The following DEFA5 variants were observed in gnomAD, a reference collection of about 807,000 sequenced individuals.
The protein encoded by DEFA5 is defensin alpha 5.
Under a neutral mutation model 8.7 loss-of-function variants are expected in DEFA5, and 11 were observed. The ratio of observed to expected loss-of-function variants is 1.26; its 90% CI spans 0.80 to 2.09. The LOEUF (loss-of-function observed/expected upper bound fraction) is 2.09, where lower values mean the gene tolerates loss of function less well. Among genes scored for constraint, DEFA5 ranks in the 30% most tolerant of loss-of-function variants. The probability of loss-of-function intolerance (pLI) is 0.00; values close to 1 mark genes in which losing one functional copy is unlikely to be tolerated. For missense variants in DEFA5, 181 were observed against 117.2 expected, an observed-to-expected ratio of 1.54 and a Z score of -2.52; for synonymous variants, 52 against 43.9, an observed-to-expected ratio of 1.18 and a Z score of -0.73.
At chr8:7,055,733 T>G (rs1037758075) in intron 1 of DEFA5, among the ~76,000 whole-genome samples, 190 bp from the exon 2 acceptor site, 7 of 152,178 alleles carry the variant, frequency 4.6e-5, no homozygotes, top group Non-Finnish European at 1.0e-4. Flanking sequence ...ATCATAGTTT[T>G]TTTCCCCATG....
At chr8:7,056,346 A>C (rs1812429051) in intron 1 of DEFA5, among the ~76,000 whole-genome samples, 180 bp downstream of exon 1, 1 of 152,236 alleles carries the variant, frequency 6.6e-6, no homozygotes, top group Non-Finnish European at 1.5e-5. Context: ...TCTTAGAAAA[A>C]AGAAAATCTT....
Position 7,056,680 on chromosome 8 carries a change from G to C in DEFA5, c.18C>G (p.Ile6Met). 6.2e-7 allele frequency: 1 copy of C among 1,612,890 alleles called. No individual in the cohort carries two copies. The highest frequency in any genetic ancestry group is 8.5e-7 in the Non-Finnish European group (1 of 1,179,334). MRTIAILAAILLVALQ... is the reference protein window; with the variant it reads MRTIAMLAAILLVALQ... The stretch of plus-strand genomic sequence containing the variant: ...GGGCCACCAGGAGAATGGCAGCAAG[G>C]ATGGCGATGGTCCTCATGGCTGGGG... Residue 6 changes from isoleucine (I) to methionine (M), a missense_variant, in exon 1 of 2, where the codon ATC (isoleucine) becomes ATG (methionine). Transcript: ENST00000330590.
At chr8:7,055,604 C>G in intron 1 of DEFA5, 61 bp from the exon 2 acceptor site, 1 of 1,074,900 alleles carries the variant, frequency 9.3e-7, no homozygotes. Context: ...CAAGCACAGC[C>G]AGACTAACTG....
Position 7,055,355 on chromosome 8 carries a change from A to T in DEFA5, c.*76T>A. 1 of 1,030,548 alleles carries T rather than the reference A, an allele frequency of 9.7e-7. No individual in the cohort carries two copies. The highest frequency in any genetic ancestry group is 1.5e-6 in the Non-Finnish European group (1 of 673,398). The allele number at this position is 1,030,548 out of a possible 1,614,324, so 63.8% of individuals were successfully genotyped here. ...AGAGAAATTTAGAAAGACACAAGGT[A>T]CACAGAGTAAAATGTTTTTCTTTTT... On this transcript the variant is annotated 3_prime_UTR_variant, in exon 2 of 2. Coordinates refer to ENST00000330590, the MANE Select transcript of DEFA5 (RefSeq NM_021010.3).
In DEFA5 at chr8:7,056,531, G is replaced by A; in HGVS notation, c.167C>T (p.Thr56Ile). 1 of 1,608,524 alleles carries A rather than the reference G, an allele frequency of 6.2e-7. No homozygotes were observed. Among genetic ancestry groups the A allele is most frequent in the Non-Finnish European group, 8.5e-7 (1 of 1,175,832 alleles). ...GCAAGATTGATGTCTCCTACCTGAG[G>A]TTCTAAGAGCAGAGAGTCCATTTCC... ...FAGNGLSALR[T>I]SGSQARATCY... The change falls in exon 1 of 2, where the codon ACC becomes ATC. Residue 56 changes from threonine (T) to isoleucine (I), a missense_variant. Physicochemically the swap from Thr to Ile is moderately conservative, Grantham distance 89 (BLOSUM62 -1). Transcript: ENST00000330590.
rs544003092 is a variant in DEFA5, at chr8:7,056,428, C to T, written c.172+98G>A. The T allele has an allele frequency of 2.6e-5, 32 of 1,218,772 alleles. No individual in the cohort carries two copies. In the South Asian group the frequency reaches 5.5e-4, roughly 21 times the overall value. 75.5% of individuals were successfully genotyped at this position (1,218,772 alleles called of 1,614,324 possible). On this transcript the variant is annotated intron_variant, in intron 1 of 1. Transcript: ENST00000330590. ...AAGGTCCAGGAAGATTAAGTAAAGT[C>T]ACTCAAGTGAGGTAGACCTTTCCAC...
At position 7,055,409 on chromosome 8, in the gene DEFA5, C is replaced by A; in HGVS notation, c.*22G>T. On this transcript the variant is annotated 3_prime_UTR_variant, in exon 2 of 2. Transcript: ENST00000330590. ...GGACCTTGAACTGAATCTTGCACTG[C>A]TTTGGTTTCTATCTAGGAAGCTCAG... The A allele has an allele frequency of 6.3e-7, 1 of 1,592,282 alleles. No homozygotes were observed.
At chr8:7,056,475 C>A in intron 1 of DEFA5, 51 bp downstream of exon 1, 1 of 1,546,506 alleles carries the variant, frequency 6.5e-7, no homozygotes, top group Non-Finnish European at 8.8e-7. Flanking sequence ...GATCCTTTCT[C>A]CAATCCTTTT....
intron 1 of DEFA5, 84 bp from the exon 2 acceptor site, chr8:7,055,627 T>C (rs942111577): frequency 2.3e-6 from 2 of 854,220 alleles, no homozygotes; most frequent in African/African-American, 3.3e-5. Context: ...ATAGTCTAAA[T>C]AAGAGACACT....
intron 1 of DEFA5, 101 bp from the exon 2 acceptor site, chr8:7,055,644 G>C (rs1034072529): frequency 1.1e-5 from 8 of 761,382 alleles, no homozygotes; most frequent in African/African-American, 1.7e-5. Context: ...CACTGTATCA[G>C]TCATGTTAGG....
At chr8:7,055,801 A>T (rs548310694) in intron 1 of DEFA5, among the ~76,000 whole-genome samples, 1 of 152,042 alleles carries the variant, frequency 6.6e-6, no homozygotes, top group African/African-American at 2.4e-5. Context: ...ATACCTCTCA[A>T]CCTCAGGGTT....
chr8:7,055,893 A>G (rs1812405011), intron 1 of DEFA5, among the ~76,000 whole-genome samples: 1 of 152,144 alleles, frequency 6.6e-6, no homozygotes, highest in Admixed American at 6.5e-5. Flanking sequence ...GGCTCCCTAA[A>G]GCACCTGAAT....
At chr8:7,056,430 C>T (rs1313119557) in intron 1 of DEFA5, 96 bp downstream of exon 1, 3 of 1,256,422 alleles carry the variant, frequency 2.4e-6, no homozygotes, top group East Asian at 2.4e-5. Flanking sequence ...AGTAAAGTCA[C>T]TCAAGTGAGG....
At position 7,056,739 on chromosome 8, in the gene DEFA5, T is replaced by A. The variant is rs761730074; in HGVS notation, c.-42A>T. 4 of 1,566,064 alleles carry A rather than the reference T, an allele frequency of 2.6e-6. No individual in the cohort carries two copies. The highest frequency in any genetic ancestry group is 3.5e-6 in the Non-Finnish European group (4 of 1,148,658). ...AGGAGGGAGAGCAGGAGTGGATATG[T>A]GGGGAGTGAGGAGTCAGCCTGGATT... is the stretch of plus-strand genomic sequence containing the variant. On this transcript the variant is annotated 5_prime_UTR_variant, in exon 1 of 2. Transcript: ENST00000330590.
rs140671583 is a variant in DEFA5 at position 7,055,749 on chromosome 8, C to T, written c.173-206G>A. 1.8e-4 allele frequency among the ~76,000 whole-genome samples: 27 copies of T among 152,300 alleles called. No homozygotes were observed. The East Asian group carries it at 5.0e-3, about 28-fold the overall frequency. ...TCATAGTTTTTTTCCCCATGTGAGT[C>T]TATCCAGGATGTATTTATTACCTGC... On this transcript the variant is annotated intron_variant, in intron 1 of 1. Transcript: ENST00000330590.
At chr8:7,055,854 C>T (rs567801328) in intron 1 of DEFA5, among the ~76,000 whole-genome samples, 77 of 152,060 alleles carry the variant, frequency 5.1e-4, no homozygotes, top group Non-Finnish European at 9.9e-4. Context: ...TAATCTTGAC[C>T]TCCATGTGTG....
At position 7,055,406 on chromosome 8, in the gene DEFA5, C is replaced by T. The variant is rs555936880; in HGVS notation, c.*25G>A. On this transcript the variant is annotated 3_prime_UTR_variant, in exon 2 of 2. Transcript: ENST00000330590. ...TCAGGACCTTGAACTGAATCTTGCACTGCTTTGGTTTCTATCTAGGAAGCT... is the reference window on the plus strand; with the variant it reads ...TCAGGACCTTGAACTGAATCTTGCATTGCTTTGGTTTCTATCTAGGAAGCT... 12 of 1,582,620 alleles carry T rather than the reference C, an allele frequency of 7.6e-6. No homozygotes were observed. The East Asian group carries it at 2.5e-4, about 32-fold the overall frequency.
rs377496786 is a variant in DEFA5 at position 7,055,476 on chromosome 8, C to A, written c.240G>T (p.Gly80=). ...AGAGGCGGCCACTGATTTCACACAC[C>A]CCGGAGAGGGACTCACGGGTAGCAC... The part of the protein sequence containing the change: ...GRCATRESLS[G]VCEISGRLYR... Residue 80 remains glycine (G), a synonymous_variant, in exon 2 of 2, where the codon GGG becomes GGT. Transcript: ENST00000330590. 36 of 1,613,744 alleles carry A rather than the reference C, an allele frequency of 2.2e-5. No homozygotes were observed. Among genetic ancestry groups the A allele is most frequent in the Non-Finnish European group, 3.0e-5 (35 of 1,179,942 alleles).
Position 7,055,395 on chromosome 8 carries a change from T to A in DEFA5, c.*36A>T. On this transcript the variant is annotated 3_prime_UTR_variant, in exon 2 of 2. Transcript: ENST00000330590. ...TTTTTCTTTTTTCAGGACCTTGAAC[T>A]GAATCTTGCACTGCTTTGGTTTCTA... 6.5e-7 allele frequency: 1 copy of A among 1,533,718 alleles called. No homozygotes were observed.
Sources: allele counts gnomAD v4.1 joint callset (sites outside exome capture counted in the v4.1 genomes callset), GRCh38; gene constraint gnomAD v4.1.1; transcripts MANE v1.5; gene names NCBI Gene and HGNC (gene_info 2026-07-23, HGNC 2026-07-21).